Variants in SLC25A13 observed in about 807,000 individuals in gnomAD.
SLC25A13 encodes the protein solute carrier family 25 member 13.
SLC25A13 carries 70 observed loss-of-function variants against 85.5 expected under a neutral mutation model. The ratio of observed to expected loss-of-function variants is 0.82; its 90% CI spans 0.68 to 1.00. The LOEUF (loss-of-function observed/expected upper bound fraction) is 1.00. SLC25A13 is among the 50% of genes least tolerant of loss of function. SLC25A13 has a pLI of 0.00. For synonymous variants in SLC25A13, 259 were observed against 288.7 expected, an observed-to-expected ratio of 0.90 and a Z score of 1.04; for missense variants, 765 against 819.8, an observed-to-expected ratio of 0.93 and a Z score of 0.82.
At chr7:96,267,986 C>A (rs1281592256) in intron 3 of SLC25A13, among the ~76,000 whole-genome samples, 1 of 152,080 alleles carries the variant, frequency 6.6e-6, no homozygotes, top group African/African-American at 2.4e-5. Context: ...CAAAGAGGTT[C>A]CACACTGGAG....
chr7:96,184,470 G>A, intron 10 of SLC25A13, 35 bp from the exon 11 acceptor site: 1 of 1,598,126 alleles, frequency 6.3e-7, no homozygotes, highest in Non-Finnish European at 8.6e-7. Context: ...TCAGAAGAAA[G>A]TAAGATAGGT....
chr7:96,239,025 T>G (rs533452295), intron 3 of SLC25A13, among the ~76,000 whole-genome samples: 1,417 of 126,770 alleles, frequency 0.011, 30 homozygotes, highest in African/African-American at 0.041. Context: ...ATTATATATA[T>G]GACTATATAT....
chr7:96,152,671 A>T (rs1793096712), intron 13 of SLC25A13, among the ~76,000 whole-genome samples: 1 of 152,150 alleles, frequency 6.6e-6, no homozygotes, highest in African/African-American at 2.4e-5. Flanking sequence ...CACATATATA[A>T]CTGAAGGCAG....
At chr7:96,151,816 G>A (rs1215263366) in intron 13 of SLC25A13, among the ~76,000 whole-genome samples, 1 of 145,600 alleles carries the variant, frequency 6.9e-6, no homozygotes, top group Non-Finnish European at 1.5e-5. Flanking sequence ...ATGGTGGCAG[G>A]TGCCTGTAAT....
chr7:96,312,436 C>A (rs183932067), intron 1 of SLC25A13, among the ~76,000 whole-genome samples: 1,977 of 152,126 alleles, frequency 0.013, 25 homozygotes, highest in Non-Finnish European at 0.017. Context: ...CCTTTTTGAG[C>A]CTTAGGTTTC....
intron 3 of SLC25A13, among the ~76,000 whole-genome samples, chr7:96,246,974 T>C (rs1482927121): frequency 6.6e-6 from 1 of 152,258 alleles, no homozygotes; most frequent in Non-Finnish European, 1.5e-5. Flanking sequence ...AGTCTACAAG[T>C]GATTCCCAAC....
intron 6 of SLC25A13, among the ~76,000 whole-genome samples, chr7:96,191,917 T>C (rs1345397535): frequency 6.6e-6 from 1 of 152,176 alleles, no homozygotes; most frequent in African/African-American, 2.4e-5. Flanking sequence ...ACAGACAGAA[T>C]GTCCATTATG....
chr7:96,188,292 C>T (rs906054815), intron 9 of SLC25A13, among the ~76,000 whole-genome samples: 4 of 152,158 alleles, frequency 2.6e-5, no homozygotes, highest in Admixed American at 1.3e-4. Flanking sequence ...CAGAGGTGCT[C>T]GTTAGAATTT....
intron 11 of SLC25A13, among the ~76,000 whole-genome samples, chr7:96,172,204 CTA>C (rs1794032155): frequency 6.6e-6 from 1 of 152,086 alleles, no homozygotes; most frequent in Admixed American, 6.5e-5. Context: ...TGTATCCAAC[CTA>C]TAAGTGTGTT....
chr7:96,262,029 TAA>T (rs1163775691), intron 3 of SLC25A13, among the ~76,000 whole-genome samples: 1 of 152,188 alleles, frequency 6.6e-6, no homozygotes, highest in African/African-American at 2.4e-5. Context: ...TGCAATAGAC[TAA>T]GTTTCCAACA....
chr7:96,196,220 C>A (rs969328328), intron 5 of SLC25A13, among the ~76,000 whole-genome samples: 1 of 152,146 alleles, frequency 6.6e-6, no homozygotes, highest in African/African-American at 2.4e-5. Flanking sequence ...GACCACAGTG[C>A]GTATTCAATT....
intron 6 of SLC25A13, among the ~76,000 whole-genome samples, chr7:96,192,295 G>A (rs144192304): frequency 2.6e-5 from 4 of 152,220 alleles, no homozygotes; most frequent in Non-Finnish European, 4.4e-5. Flanking sequence ...GAGTTACCAC[G>A]GGCTATTGGT....
intron 3 of SLC25A13, among the ~76,000 whole-genome samples, chr7:96,237,259 T>G (rs79669971): frequency 0.011 from 1,624 of 152,282 alleles, 28 homozygotes; most frequent in African/African-American, 0.038. Context: ...GGCTTTCCAT[T>G]TTGTGCAGGC....
At chr7:96,137,985 C>T (rs182304829) in intron 14 of SLC25A13, among the ~76,000 whole-genome samples, 2 of 152,292 alleles carry the variant, frequency 1.3e-5, no homozygotes, top group African/African-American at 4.8e-5. Context: ...TAAACATTTA[C>T]CACTTTTTTT....
chr7:96,198,799 T>C (rs1349491655), intron 5 of SLC25A13, among the ~76,000 whole-genome samples: 5 of 152,152 alleles, frequency 3.3e-5, no homozygotes, highest in African/African-American at 1.2e-4. Context: ...TGAAGTAAGA[T>C]ATATCTCAAA....
chr7:96,149,458 A>G (rs187862794), intron 13 of SLC25A13, among the ~76,000 whole-genome samples: 7 of 152,370 alleles, frequency 4.6e-5, no homozygotes, highest in Non-Finnish European at 8.8e-5. Context: ...CAACCAACAG[A>G]TAACAATTCT....
intron 4 of SLC25A13, among the ~76,000 whole-genome samples, chr7:96,220,898 T>C (rs961139290): frequency 7.2e-5 from 11 of 152,152 alleles, no homozygotes; most frequent in Non-Finnish European, 1.5e-4. Context: ...CAGGCAGTAG[T>C]TAACTAAGGA....
chr7:96,262,633 G>C (rs914322952), intron 3 of SLC25A13, among the ~76,000 whole-genome samples: 1 of 152,094 alleles, frequency 6.6e-6, no homozygotes, highest in Non-Finnish European at 1.5e-5. Flanking sequence ...CCAAATATGA[G>C]GGCTAAATGA....
intron 10 of SLC25A13, 107 bp downstream of exon 10, chr7:96,184,820 G>A: frequency 1.0e-6 from 1 of 986,376 alleles, no homozygotes; most frequent in Non-Finnish European, 1.6e-6. Flanking sequence ...AACTGGCATT[G>A]GGAAAGACTA....
Sources: gnomAD v4.1 joint callset for allele counts (sites outside exome capture counted in the v4.1 genomes callset) on GRCh38, gnomAD v4.1.1 for gene constraint, MANE v1.5 for transcripts, NCBI Gene and HGNC (gene_info 2026-07-23, HGNC 2026-07-21) for gene names.